EXT1: variants seen among roughly 807,000 people sequenced by gnomAD.
The protein encoded by EXT1 is exostosin-1.
In EXT1, 20 loss-of-function variants were observed where a neutral mutation model predicts 82.5. That is an observed-to-expected ratio of 0.24 (90% confidence interval 0.17 to 0.35). The LOEUF (loss-of-function observed/expected upper bound fraction) is 0.35, where lower values mean the gene tolerates loss of function less well. Among genes scored for constraint, EXT1 ranks in the 10% least tolerant of loss-of-function variants. The pLI is 1.00. For missense variants in EXT1, 757 were observed against 936.5 expected (o/e 0.81, Z 2.50); for synonymous variants, 348 against 350.8 (o/e 0.99, Z 0.09).
At chr8:117,911,120 G>A (rs1282694802) in intron 1 of EXT1, among the ~76,000 whole-genome samples, 2 of 152,222 alleles carry the variant, frequency 1.3e-5, no homozygotes, top group African/African-American at 4.8e-5. Flanking sequence ...AACAGCACTT[G>A]CCTCAGGTGC....
chr8:117,963,741 C>G (rs955103635), intron 1 of EXT1, among the ~76,000 whole-genome samples: 1 of 152,154 alleles, frequency 6.6e-6, no homozygotes, highest in South Asian at 2.1e-4. Context: ...CTGCCCACCT[C>G]TGACTCCCAA....
chr8:118,110,091 T>A lies in EXT1; in HGVS notation c.956A>T (p.Tyr319Phe). Residue 319 changes from tyrosine to phenylalanine, a missense_variant, in exon 1 of 11, where the codon TAT becomes TTT. Around this residue, in one of 4 missense-constraint regions of EXT1, gnomAD observed 247 missense variants for 330.1 expected, o/e 0.75. Coordinates refer to ENST00000378204, the MANE Select transcript of EXT1 (RefSeq NM_000127.3). ...CGCCAGCCCAGACACTTACTTCTCA[T>A]ACTCGGTGTTGTCTCTGTCACAGCG... ...DSRCDRDNTE[Y>F]EKYDYREMLH... 7 of 1,614,062 alleles carry A rather than the reference T, an allele frequency of 4.3e-6. No individual in the cohort carries two copies. Among genetic ancestry groups the A allele is most frequent in the Non-Finnish European group, 5.1e-6 (6 of 1,180,026 alleles).
At chr8:117,840,137 A>C (rs1812251025) in intron 1 of EXT1, among the ~76,000 whole-genome samples, 1 of 152,180 alleles carries the variant, frequency 6.6e-6, no homozygotes, top group African/African-American at 2.4e-5. Context: ...ACAGTCACCC[A>C]AGAAAATCTA....
chr8:117,958,192 A>G (rs1043252387), intron 1 of EXT1, among the ~76,000 whole-genome samples: 12 of 152,198 alleles, frequency 7.9e-5, no homozygotes, highest in African/African-American at 2.9e-4. Flanking sequence ...TAAAGTAGGG[A>G]AGAATGCCTC....
At chr8:117,914,767 C>G (rs752055496) in intron 1 of EXT1, among the ~76,000 whole-genome samples, 83 of 152,146 alleles carry the variant, frequency 5.5e-4, no homozygotes, top group Non-Finnish European at 8.5e-4. Context: ...TCTCTACTCT[C>G]GAACCCTGTT....
intron 1 of EXT1, among the ~76,000 whole-genome samples, chr8:117,990,555 T>C (rs1815411356): frequency 6.6e-6 from 1 of 152,212 alleles, no homozygotes; most frequent in Non-Finnish European, 1.5e-5. Context: ...CTCCAGTGGC[T>C]GCTGCCATAA....
chr8:117,866,042 T>C (rs904163985), intron 1 of EXT1, among the ~76,000 whole-genome samples: 2 of 152,082 alleles, frequency 1.3e-5, no homozygotes, highest in East Asian at 1.9e-4. Context: ...CTGGCCAACA[T>C]GGTGAAACCC....
intron 1 of EXT1, among the ~76,000 whole-genome samples, chr8:118,041,773 C>A (rs1250592076): frequency 6.6e-6 from 1 of 151,674 alleles, no homozygotes; most frequent in African/African-American, 2.4e-5. Context: ...ATGGCGAAAC[C>A]CTGTCTCTAC....
chr8:118,060,947 A>T (rs1438917144), intron 1 of EXT1, among the ~76,000 whole-genome samples: 1 of 152,234 alleles, frequency 6.6e-6, no homozygotes, highest in Non-Finnish European at 1.5e-5. Flanking sequence ...AGATGGTGAA[A>T]CCAAAAACAG....
At chr8:117,858,712 AGAAGGAAGGAAGGAAGGAAG>A (rs564611274) in intron 1 of EXT1, among the ~76,000 whole-genome samples, 17,808 of 66,002 alleles carry the variant, frequency 0.27, 5,461 homozygotes, top group Middle Eastern at 0.39. Context: ...AAGAAAAGAA[AGAAGGAAGGAAGGAAGGAAG>A]GAAGGAAGGA....
chr8:117,839,360 G>C lies in EXT1; in HGVS notation c.963-2159C>G, dbSNP rs142021398. 4.6e-3 allele frequency among the ~76,000 whole-genome samples: 702 copies of C among 152,324 alleles called. 2 individuals carry two copies. Among genetic ancestry groups the C allele is most frequent in the Non-Finnish European group, 7.9e-3 (540 of 68,024 alleles). On this transcript the variant is annotated intron_variant, in intron 1 of 10. Coordinates refer to ENST00000378204, the MANE Select transcript of EXT1 (RefSeq NM_000127.3). ...TATCTTATCATTTTTGGGTAAGAAA[G>C]AGGAATGTCCTTTGAGAATATCCCA...
At chr8:118,065,750 A>C (rs1816973953) in intron 1 of EXT1, among the ~76,000 whole-genome samples, 1 of 152,218 alleles carries the variant, frequency 6.6e-6, no homozygotes, top group Non-Finnish European at 1.5e-5. Context: ...AAGTTCAAGC[A>C]TATTTGTGTA....
In EXT1 at chr8:117,811,412, G is replaced by A. The variant is rs17439597; in HGVS notation, c.1722+1460C>T. Among the ~76,000 whole-genome samples, 1,059 of 152,068 alleles carry A rather than the reference G, an allele frequency of 7.0e-3. 5 individuals carry two copies. Among genetic ancestry groups the A allele is most frequent in the South Asian group, 0.011 (54 of 4,804 alleles). ...CCAACCTACACATGACACAATTGGC[G>A]GTGTGTCCACCTTTAATCCCCAAAG... On this transcript the variant is annotated intron_variant, in intron 8 of 10. Transcript: ENST00000378204.
At chr8:117,987,868 G>A (rs1815353393) in intron 1 of EXT1, among the ~76,000 whole-genome samples, 1 of 152,136 alleles carries the variant, frequency 6.6e-6, no homozygotes, top group South Asian at 2.1e-4. Flanking sequence ...CGGAAGGATC[G>A]CTTGGACCCA....
chr8:118,040,802 G>A (rs745577825), intron 1 of EXT1, among the ~76,000 whole-genome samples: 2 of 152,204 alleles, frequency 1.3e-5, no homozygotes, highest in Admixed American at 6.5e-5. Context: ...GAGATGAACT[G>A]CCCTTGTTTA....
At chr8:117,889,586 T>A (rs1367005489) in intron 1 of EXT1, among the ~76,000 whole-genome samples, 2 of 152,174 alleles carry the variant, frequency 1.3e-5, no homozygotes, top group Non-Finnish European at 2.9e-5. Flanking sequence ...GTGTTTTACC[T>A]CCACAATGAT....
At chr8:117,898,848 A>C (rs1325169034) in intron 1 of EXT1, among the ~76,000 whole-genome samples, 1 of 152,158 alleles carries the variant, frequency 6.6e-6, no homozygotes, top group Admixed American at 6.5e-5. Context: ...GAATGAACAC[A>C]GCTCTTCCAA....
chr8:117,845,229 G>A (rs1812333947), intron 1 of EXT1, among the ~76,000 whole-genome samples: 1 of 152,212 alleles, frequency 6.6e-6, no homozygotes, highest in East Asian at 1.9e-4. Flanking sequence ...TCTCATGACA[G>A]CCTCACAACC....
rs1472609658 is a variant in EXT1 at position 117,858,834 on chromosome 8, AAGG to A, written c.963-21636_963-21634del. On this transcript the variant is annotated intron_variant, in intron 1 of 10. Transcript: ENST00000378204. ...GCAGGAAGGAAGGAAGGAAGGAAGG[AAGG>A]AAGGAAGGAAAGAAAGAAAGAAAGA... is the stretch of plus-strand genomic sequence containing the variant. Among the ~76,000 whole-genome samples the A allele has an allele frequency of 3.3e-3, 177 of 54,430 alleles. 5 individuals are homozygous for A. Among genetic ancestry groups the A allele is most frequent in the African/African-American group, 0.011 (173 of 16,224 alleles). The allele number at this position is 54,430 out of a possible 152,430, so 35.7% of individuals were successfully genotyped here.
Sources: allele counts gnomAD v4.1 joint callset (sites outside exome capture counted in the v4.1 genomes callset), GRCh38; gene constraint gnomAD v4.1.1; regional missense constraint gnomAD v4.1.1; transcripts MANE v1.5; gene names NCBI Gene and HGNC (gene_info 2026-07-23, HGNC 2026-07-21).